The following ANO2 variants were observed in gnomAD, a reference collection of about 807,000 sequenced individuals.
ANO2 encodes the protein anoctamin 2, also known as anoctamin-2.
Under a neutral mutation model 124.2 loss-of-function variants are expected in ANO2, and 101 were observed. That is an observed-to-expected ratio of 0.81 (90% confidence interval 0.69 to 0.96). The LOEUF (loss-of-function observed/expected upper bound fraction) is 0.96, where lower values mean the gene tolerates loss of function less well. ANO2 is among the 40% of genes least tolerant of loss of function. The probability of loss-of-function intolerance (pLI) is 0.00; values close to 1 mark genes in which losing one functional copy is unlikely to be tolerated. For synonymous variants in ANO2, 486 were observed against 482.5 expected (o/e 1.01, Z -0.09); for missense variants, 1,293 against 1,274.5 (o/e 1.01, Z -0.22).
intron 14 of ANO2, among the ~76,000 whole-genome samples, chr12:5,674,438 A>G (rs4024008): frequency 4.6e-5 from 7 of 152,116 alleles, no homozygotes; most frequent in Non-Finnish European, 7.3e-5. Flanking sequence ...CTCCCCACGC[A>G]CAACCATGAG....
intron 3 of ANO2, among the ~76,000 whole-genome samples, chr12:5,918,450 T>C (rs1321087470): frequency 1.3e-5 from 2 of 151,032 alleles, no homozygotes; most frequent in African/African-American, 4.9e-5. Context: ...TTTTTTTTTT[T>C]TTTTTTTGAG....
intron 14 of ANO2, among the ~76,000 whole-genome samples, chr12:5,682,996 C>A (rs151012997): frequency 2.0e-3 from 308 of 152,220 alleles, no homozygotes; most frequent in African/African-American, 7.2e-3. Context: ...ACCGTGGACC[C>A]CTTGAGTACT....
chr12:5,736,490 G>A (rs1950869909), intron 13 of ANO2, among the ~76,000 whole-genome samples: 2 of 152,158 alleles, frequency 1.3e-5, no homozygotes, highest in African/African-American at 4.8e-5. Context: ...ACTGGGAGGT[G>A]TCTGGTTAAA....
chr12:5,563,383 C>T lies in ANO2; in HGVS notation c.2913G>A (p.Arg971=), dbSNP rs1276580078. 1 of 1,606,700 alleles carries T rather than the reference C, an allele frequency of 6.2e-7. No homozygotes were observed. Among genetic ancestry groups the T allele is most frequent in the Non-Finnish European group, 8.5e-7 (1 of 1,177,156 alleles). The change falls in exon 25 of 25, where the codon AGG becomes AGA. Residue 971 remains arginine, a synonymous_variant. Coordinates refer to ENST00000682330, the MANE Select transcript of ANO2 (RefSeq NM_001364791.2). ...LRSPGGGDRS[R]SRAASSAPSG... ...AAGGTGCTGAGCTGGCTGCCCGGCTCCTGCTTCGATCCCCACCTCCTGGGC... is the reference window on the plus strand; with the variant it reads ...AAGGTGCTGAGCTGGCTGCCCGGCTTCTGCTTCGATCCCCACCTCCTGGGC...
intron 14 of ANO2, among the ~76,000 whole-genome samples, chr12:5,728,432 A>G (rs1950522138): frequency 6.6e-6 from 1 of 152,192 alleles, no homozygotes; most frequent in Non-Finnish European, 1.5e-5. Context: ...AATTATCAAT[A>G]AATTTAACAA....
At chr12:5,661,545 C>G (rs1199979197) in intron 14 of ANO2, among the ~76,000 whole-genome samples, 2 of 151,976 alleles carry the variant, frequency 1.3e-5, no homozygotes, top group Non-Finnish European at 2.9e-5. Flanking sequence ...GGCCTTCAGC[C>G]CAGGAGGATG....
At chr12:5,587,590 C>G (rs1262750616) in intron 20 of ANO2, among the ~76,000 whole-genome samples, 1 of 152,138 alleles carries the variant, frequency 6.6e-6, no homozygotes, top group Admixed American at 6.5e-5. Flanking sequence ...AATGTCATGG[C>G]CATCTCTTGG....
intron 20 of ANO2, among the ~76,000 whole-genome samples, chr12:5,593,219 C>G (rs984547615): frequency 6.6e-6 from 1 of 152,138 alleles, no homozygotes; most frequent in Non-Finnish European, 1.5e-5. Context: ...ATCTCATCAC[C>G]CACAGTAATA....
At chr12:5,864,991 G>C (rs908882201) in intron 3 of ANO2, among the ~76,000 whole-genome samples, 2 of 152,056 alleles carry the variant, frequency 1.3e-5, no homozygotes, top group Admixed American at 1.3e-4. Context: ...TATCTCTAAT[G>C]TCTCTCCTGA....
At position 5,799,337 on chromosome 12, in the gene ANO2, A is replaced by G. The variant is rs1215618912; in HGVS notation, c.1055+170T>C. On this transcript the variant is annotated intron_variant, in intron 10 of 24. Coordinates refer to ENST00000682330, the MANE Select transcript of ANO2 (RefSeq NM_001364791.2). Reference sequence around the variant, plus strand: ...CCCACGCAGCCTCCATGTCCCTCCCATGTCCCCAGCTGCTTCCCCACCCAT... The same window carrying G: ...CCCACGCAGCCTCCATGTCCCTCCCGTGTCCCCAGCTGCTTCCCCACCCAT... Among the ~76,000 whole-genome samples, 3 of 152,168 alleles carry G rather than the reference A, an allele frequency of 2.0e-5. No homozygotes were observed. In the East Asian group the frequency reaches 5.8e-4, roughly 29 times the overall value.
At chr12:5,933,498 A>AT (rs1049960554) in intron 1 of ANO2, among the ~76,000 whole-genome samples, 1 of 152,122 alleles carries the variant, frequency 6.6e-6, no homozygotes, top group African/African-American at 2.4e-5. Flanking sequence ...GGATAAATGG[A>AT]TGGGTGGGTG....
chr12:5,842,597 A>G (rs1392604816), intron 4 of ANO2, among the ~76,000 whole-genome samples: 2 of 151,478 alleles, frequency 1.3e-5, no homozygotes, highest in Admixed American at 6.6e-5. Flanking sequence ...TGCATGACTC[A>G]CTCTTTCGTT....
chr12:5,701,066 C>A (rs76330308), intron 14 of ANO2, among the ~76,000 whole-genome samples: 7,990 of 145,852 alleles, frequency 0.055, 221 homozygotes, highest in South Asian at 0.11. Flanking sequence ...GGTAAATCCT[C>A]TAGGATTCTA....
chr12:5,946,035 C>T (rs1565803416), upstream of ANO2: 13 of 1,293,256 alleles, frequency 1.0e-5, no homozygotes, highest in South Asian at 3.8e-5. This position sits in a 1 kb window ranked among gnomAD's most constrained non-coding sequence, Gnocchi z 4.1. Context: ...CCCTTCTGCA[C>T]GATGGAATCT....
At chr12:5,840,145 CAT>C (rs1014315145) in intron 4 of ANO2, among the ~76,000 whole-genome samples, 6 of 152,184 alleles carry the variant, frequency 3.9e-5, no homozygotes, top group Non-Finnish European at 7.3e-5. Context: ...TGGCGAGACA[CAT>C]GTTAGCCAGC....
At chr12:5,648,469 T>C (rs932565017) in intron 14 of ANO2, among the ~76,000 whole-genome samples, 3 of 152,166 alleles carry the variant, frequency 2.0e-5, no homozygotes, top group Admixed American at 6.5e-5. Context: ...CCTTTTCCCC[T>C]CGGACTGGGT....
At chr12:5,888,081 G>A (rs1269202051) in intron 3 of ANO2, among the ~76,000 whole-genome samples, 1 of 152,126 alleles carries the variant, frequency 6.6e-6, no homozygotes, top group African/African-American at 2.4e-5. Context: ...GTTCTTAAAG[G>A]CGGGGTGTCC....
chr12:5,720,330 A>G (rs1321338181), intron 14 of ANO2, among the ~76,000 whole-genome samples: 2 of 152,200 alleles, frequency 1.3e-5, no homozygotes, highest in African/African-American at 4.8e-5. Context: ...TTGACCCTGG[A>G]GGAATTTTTT....
chr12:5,688,586 GC>G (rs1414998198), intron 14 of ANO2, among the ~76,000 whole-genome samples: 4 of 152,158 alleles, frequency 2.6e-5, no homozygotes, highest in Non-Finnish European at 5.9e-5. Flanking sequence ...GATATAATGA[GC>G]TGAGACCCAA....
Sources: allele counts gnomAD v4.1 joint callset (sites outside exome capture counted in the v4.1 genomes callset), GRCh38; gene constraint gnomAD v4.1.1; non-coding constraint Gnocchi (gnomAD v3.1); transcripts MANE v1.5; gene names NCBI Gene and HGNC (gene_info 2026-07-23, HGNC 2026-07-21).